Variants in EXOC2 observed in about 807,000 individuals in gnomAD.
EXOC2 encodes SEC5-like 1.
EXOC2 carries 70 observed loss-of-function variants against 131.8 expected under a neutral mutation model. The observed-to-expected ratio is 0.53, with a 90% CI of 0.44 to 0.65. EXOC2 has a LOEUF of 0.65. Ranked by LOEUF, EXOC2 falls within the 30% of genes least tolerant of loss-of-function variation. The probability of loss-of-function intolerance (pLI) is 0.00; values close to 1 mark genes in which losing one functional copy is unlikely to be tolerated. For missense variants in EXOC2, 923 were observed against 1,108.6 expected, an observed-to-expected ratio of 0.83 and a Z score of 2.38; for synonymous variants, 411 against 398.4, an observed-to-expected ratio of 1.03 and a Z score of -0.38.
At chr6:659,986 C>G (rs1267848686) in intron 1 of EXOC2, among the ~76,000 whole-genome samples, 6 of 113,762 alleles carry the variant, frequency 5.3e-5, no homozygotes, top group Admixed American at 3.4e-4. Flanking sequence ...TCTTGCCACT[C>G]AGGGCTGTTG....
chr6:688,366 G>A (rs572901482), intron 1 of EXOC2, among the ~76,000 whole-genome samples: 1 of 152,242 alleles, frequency 6.6e-6, no homozygotes, highest in East Asian at 1.9e-4. Flanking sequence ...CAGCAACTCA[G>A]GTCAAGCATT....
intron 1 of EXOC2, among the ~76,000 whole-genome samples, chr6:682,335 G>A (rs952422577): frequency 1.3e-5 from 2 of 151,914 alleles, no homozygotes; most frequent in Non-Finnish European, 2.9e-5. Context: ...GAATAGCTGG[G>A]ACTACAGGCA....
rs1763270743 is a variant in EXOC2 at position 489,129 on chromosome 6, A to G, written c.2622-91T>C. 5.8e-6 allele frequency: 7 copies of G among 1,208,482 alleles called. No homozygotes were observed. The African/African-American group carries it at 6.1e-5, about 11-fold the overall frequency. 74.9% of individuals were successfully genotyped at this position (1,208,482 alleles called of 1,614,324 possible). On this transcript the variant is annotated intron_variant, in intron 26 of 27. Transcript: ENST00000230449. ...GCATCCCTTAATTATTGAGAAGCCA[A>G]TAAAAGCCAGTGAAGCAAGGAAATA...
At chr6:535,273 G>C (rs1766369878) in intron 22 of EXOC2, among the ~76,000 whole-genome samples, 2 of 152,278 alleles carry the variant, frequency 1.3e-5, no homozygotes, top group African/African-American at 2.4e-5. Flanking sequence ...GCTATGGTGA[G>C]AGAATGACTT....
At chr6:629,127 A>C (rs1761721424) in intron 4 of EXOC2, among the ~76,000 whole-genome samples, 1 of 152,124 alleles carries the variant, frequency 6.6e-6, no homozygotes, top group African/African-American at 2.4e-5. Flanking sequence ...CTAAACTAAA[A>C]CCATGGTTAA....
intron 1 of EXOC2, among the ~76,000 whole-genome samples, chr6:663,674 T>TA (rs1763514935): frequency 1.3e-5 from 2 of 151,910 alleles, no homozygotes; most frequent in Non-Finnish European, 2.9e-5. Context: ...TAAACAGAAT[T>TA]AAAAACAAAA....
At chr6:546,120 AT>A (rs1016403211) in intron 22 of EXOC2, among the ~76,000 whole-genome samples, 6 of 150,884 alleles carry the variant, frequency 4.0e-5, no homozygotes, top group South Asian at 2.1e-4. Flanking sequence ...TTTAATTTTT[AT>A]TTTTTTTTAG....
intron 1 of EXOC2, among the ~76,000 whole-genome samples, chr6:677,891 T>A (rs923415183): frequency 4.6e-5 from 7 of 151,764 alleles, no homozygotes; most frequent in African/African-American, 1.7e-4. Context: ...ACAGCAGGAA[T>A]CACACCTAGG....
intron 1 of EXOC2, among the ~76,000 whole-genome samples, chr6:645,010 C>T (rs1035844479): frequency 2.6e-5 from 4 of 151,986 alleles, no homozygotes; most frequent in Admixed American, 6.6e-5. Context: ...AGAGCCAAAC[C>T]AATCTTAGGA....
intron 13 of EXOC2, among the ~76,000 whole-genome samples, chr6:567,689 TGC>T (rs1274567700): frequency 2.0e-5 from 3 of 152,176 alleles, no homozygotes; most frequent in African/African-American, 7.2e-5. Context: ...GTTGTGTGTG[TGC>T]ATGCATACAT....
At position 529,462 on chromosome 6, in the gene EXOC2, G is replaced by A. The variant is rs754104224; in HGVS notation, c.2380+3007C>T. Among the ~76,000 whole-genome samples the A allele has an allele frequency of 3.7e-4, 57 of 152,304 alleles. No homozygotes were observed. In the Middle Eastern group the frequency reaches 0.01, roughly 27 times the overall value. On this transcript the variant is annotated intron_variant, in intron 23 of 27. Transcript: ENST00000230449. The stretch of plus-strand genomic sequence containing the variant: ...TAAATCCTCTTTCTCGGTAACAATC[G>A]GAGATTTCAGTGACGACAGAGAAGA...
chr6:497,683 T>C (rs1386206335), intron 24 of EXOC2, among the ~76,000 whole-genome samples, 194 bp from the exon 25 acceptor site: 1 of 152,234 alleles, frequency 6.6e-6, no homozygotes, highest in Non-Finnish European at 1.5e-5. Flanking sequence ...ACAACAAAAA[T>C]TCTCTTAAAA....
In EXOC2 at chr6:572,657, A is replaced by G; in HGVS notation, c.1319-13T>C. ...TTGTATCTCCACGCTAAGGGGGAAA[A>G]GAATAAAATACTATGATTGTACTTC... On this transcript the variant is annotated splice_polypyrimidine_tract_variant and intron_variant, in intron 12 of 27. Transcript: ENST00000230449. 1.2e-6 allele frequency: 2 copies of G among 1,609,918 alleles called. No homozygotes were observed. Among genetic ancestry groups the G allele is most frequent in the Non-Finnish European group, 1.7e-6 (2 of 1,178,770 alleles).
In EXOC2 at chr6:549,277, C is replaced by G; in HGVS notation, c.2136G>C (p.Leu712Phe). 6.2e-7 allele frequency: 1 copy of G among 1,613,702 alleles called. No individual in the cohort carries two copies. The highest frequency in any genetic ancestry group is 8.5e-7 in the Non-Finnish European group (1 of 1,179,668). Reference protein sequence around the residue: ...DFSLTSEQRLLIVLSNCCYLE... With the variant: ...DFSLTSEQRLFIVLSNCCYLE... Reference sequence around the variant, plus strand: ...GATAGCAGCAATTACTTAGGACTATCAAAAGGCGCTGTTCCTAAAAGCAAA... The same window carrying G: ...GATAGCAGCAATTACTTAGGACTATGAAAAGGCGCTGTTCCTAAAAGCAAA... Residue 712 changes from leucine (L) to phenylalanine (F), a missense_variant, in exon 22 of 28, where the codon TTG becomes TTC. Leu to Phe is a conservative substitution (Grantham distance 22). Coordinates refer to ENST00000230449, the MANE Select transcript of EXOC2 (RefSeq NM_018303.6).
intron 1 of EXOC2, among the ~76,000 whole-genome samples, chr6:678,827 T>G (rs1439831308): frequency 6.6e-6 from 1 of 152,220 alleles, no homozygotes; most frequent in African/African-American, 2.4e-5. Context: ...AATTTTATTC[T>G]AAACAAACTA....
In EXOC2 at chr6:606,081, G is replaced by A. The variant is rs749693280; in HGVS notation, c.742+4017C>T. ...GCACATATACACCAGGGAATACTAT[G>A]CAGCCATAAAAAAGGAAGAGTTCGT... On this transcript the variant is annotated intron_variant, in intron 7 of 27. Transcript: ENST00000230449. 2.5e-4 allele frequency among the ~76,000 whole-genome samples: 38 copies of A among 152,194 alleles called. 2 individuals carry two copies. Among genetic ancestry groups the A allele is most frequent in the Non-Finnish European group, 2.6e-4 (18 of 68,046 alleles).
intron 25 of EXOC2, among the ~76,000 whole-genome samples, chr6:493,334 T>C (rs1205333787): frequency 6.6e-6 from 1 of 152,208 alleles, no homozygotes; most frequent in East Asian, 1.9e-4. Flanking sequence ...AGTATGACAA[T>C]TTCTGTCTCT....
At chr6:546,569 A>AT (rs1260162501) in intron 22 of EXOC2, among the ~76,000 whole-genome samples, 1 of 152,040 alleles carries the variant, frequency 6.6e-6, no homozygotes, top group Non-Finnish European at 1.5e-5. Flanking sequence ...TGCCTCCGCC[A>AT]CCCCTGACAC....
chr6:517,524 G>A (rs1765224577), intron 23 of EXOC2, among the ~76,000 whole-genome samples: 1 of 139,582 alleles, frequency 7.2e-6, no homozygotes, highest in Non-Finnish European at 1.5e-5. Context: ...TGTATGAACT[G>A]TACTTCAGAG....
Sources: allele counts gnomAD v4.1 joint callset (sites outside exome capture counted in the v4.1 genomes callset), GRCh38; gene constraint gnomAD v4.1.1; transcripts MANE v1.5; gene names NCBI Gene and HGNC (gene_info 2026-07-23, HGNC 2026-07-21).